Variants in NRAP observed in about 807,000 individuals in gnomAD.
NRAP encodes the protein nebulin related anchoring protein, also known as nebulin-related-anchoring protein.
NRAP carries 189 observed loss-of-function variants against 225.9 expected under a neutral mutation model. That is an observed-to-expected ratio of 0.84 (90% CI 0.74 to 0.94). The LOEUF (loss-of-function observed/expected upper bound fraction) is 0.94. Among genes scored for constraint, NRAP ranks in the 40% least tolerant of loss-of-function variants. The pLI is 0.00. For missense variants in NRAP, 2,176 were observed against 2,168.7 expected (o/e 1.00, Z -0.07); for synonymous variants, 769 against 790.7 (o/e 0.97, Z 0.46).
At chr10:113,624,342 T>G (rs1234919574) in intron 22 of NRAP, among the ~76,000 whole-genome samples, 1 of 152,202 alleles carries the variant, frequency 6.6e-6, no homozygotes, top group East Asian at 1.9e-4. Context: ...CACTTGCCTC[T>G]GAGTGCTTGA....
chr10:113,607,399 C>CAAAAAAAAGAAAAAAAA (rs1847043785), intron 32 of NRAP, among the ~76,000 whole-genome samples: 1 of 68,602 alleles, frequency 1.5e-5, no homozygotes, highest in Non-Finnish European at 2.8e-5. Context: ...GAAACTCCGT[C>CAAAAAAAAGAAAAAAAA]AAAAAAAAAA....
At chr10:113,598,747 A>T (rs546536777) in intron 35 of NRAP, among the ~76,000 whole-genome samples, 49 of 152,358 alleles carry the variant, frequency 3.2e-4, no homozygotes, top group African/African-American at 1.0e-3. Context: ...AAACCATTTT[A>T]ACCGCTTCAT....
chr10:113,654,998 G>A (rs533480844), intron 4 of NRAP, among the ~76,000 whole-genome samples: 60 of 152,310 alleles, frequency 3.9e-4, no homozygotes, highest in African/African-American at 1.4e-3. Flanking sequence ...GGAAAGAGAT[G>A]GGGAGCCAGG....
intron 31 of NRAP, 70 bp downstream of exon 31, chr10:113,610,389 G>T: frequency 4.2e-6 from 3 of 711,792 alleles, no homozygotes; most frequent in Middle Eastern, 2.5e-4. Context: ...AAAGAAAAAG[G>T]AAAGAAACAA....
chr10:113,609,587 A>T (rs189039237), intron 31 of NRAP, among the ~76,000 whole-genome samples: 1 of 152,336 alleles, frequency 6.6e-6, no homozygotes, highest in Non-Finnish European at 1.5e-5. Context: ...AATTATCACC[A>T]TTTCAAGCTT....
At chr10:113,598,988 C>T (rs183679861) in intron 35 of NRAP, among the ~76,000 whole-genome samples, 92 of 152,270 alleles carry the variant, frequency 6.0e-4, no homozygotes, top group South Asian at 5.4e-3. Context: ...TTACCTACAA[C>T]GAGAAAGTCG....
Position 113,641,484 on chromosome 10 carries a change from C to T in NRAP, c.1216-12G>A, listed in dbSNP as rs372061170. 9.7e-5 allele frequency: 151 copies of T among 1,558,958 alleles called. No individual in the cohort carries two copies. The highest frequency in any genetic ancestry group is 5.0e-4 in the Middle Eastern group (3 of 5,962). ...TCTTTATATTTATTCTACATGGAAA[C>T]GCAAAGTTTTCAACCAAAGCATTCC... On this transcript the variant is annotated splice_polypyrimidine_tract_variant and intron_variant, in intron 12 of 41. Transcript: ENST00000359988.
intron 38 of NRAP, among the ~76,000 whole-genome samples, chr10:113,593,445 G>T (rs1404700598): frequency 6.6e-6 from 1 of 152,152 alleles, no homozygotes; most frequent in Non-Finnish European, 1.5e-5. Context: ...TCTCTGTACT[G>T]CAGATCACAC....
At chr10:113,600,155 T>TTTTCTCTCTCTC (rs10636194) in intron 35 of NRAP, among the ~76,000 whole-genome samples, 1 of 140,198 alleles carries the variant, frequency 7.1e-6, no homozygotes, top group East Asian at 2.1e-4. Context: ...AGGGGTTATA[T>TTTTCTCTCTCTC]TCTCTCTCTC....
intron 3 of NRAP, among the ~76,000 whole-genome samples, chr10:113,661,052 T>C (rs1234666091): frequency 6.6e-6 from 1 of 152,228 alleles, no homozygotes; most frequent in Non-Finnish European, 1.5e-5. Context: ...TCAATATTTA[T>C]TGTAATTTCA....
At chr10:113,651,041 T>C (rs989255582) in intron 7 of NRAP, among the ~76,000 whole-genome samples, 3 of 152,240 alleles carry the variant, frequency 2.0e-5, no homozygotes, top group African/African-American at 4.8e-5. Context: ...TTAGAAATTA[T>C]GTTCTCTAAT....
chr10:113,649,886 C>T, intron 9 of NRAP, 151 bp downstream of exon 9: 1 of 584,918 alleles, frequency 1.7e-6, no homozygotes, highest in East Asian at 2.7e-5. Flanking sequence ...ATTGTTTGTC[C>T]ACTACTTTCT....
chr10:113,600,488 G>A (rs1021304758), intron 35 of NRAP, among the ~76,000 whole-genome samples: 28 of 152,112 alleles, frequency 1.8e-4, no homozygotes, highest in African/African-American at 6.5e-4. Flanking sequence ...CTAAGGAACA[G>A]TTATTCCCAT....
intron 12 of NRAP, 50 bp downstream of exon 12, chr10:113,642,884 A>G (rs763643639): frequency 1.1e-6 from 1 of 942,474 alleles, no homozygotes; most frequent in Non-Finnish European, 1.8e-6. Context: ...AGACCTAAAG[A>G]CTAAGCTCAC....
intron 14 of NRAP, among the ~76,000 whole-genome samples, chr10:113,639,293 G>A (rs1391751244): frequency 6.6e-6 from 1 of 152,092 alleles, no homozygotes; most frequent in Non-Finnish European, 1.5e-5. Flanking sequence ...ATTTGCCAAT[G>A]ATTGTCCTCT....
chr10:113,632,538 C>A (rs2134042295), intron 16 of NRAP, among the ~76,000 whole-genome samples: 1 of 150,762 alleles, frequency 6.6e-6, no homozygotes, highest in East Asian at 1.9e-4. Flanking sequence ...GAACCTAGGT[C>A]TCTCTGACAC....
intron 20 of NRAP, among the ~76,000 whole-genome samples, 181 bp from the exon 21 acceptor site, chr10:113,626,326 G>A (rs1848291251): frequency 6.6e-6 from 1 of 152,154 alleles, no homozygotes; most frequent in South Asian, 2.1e-4. Context: ...CTGTTCCAGT[G>A]AACTTGATTT....
rs1432826092 is a variant in NRAP at position 113,617,458 on chromosome 10, C to T, written c.2970G>A (p.Val990=). 1.3e-6 allele frequency: 2 copies of T among 1,560,288 alleles called. No individual in the cohort carries two copies. Among genetic ancestry groups the T allele is most frequent in the African/African-American group, 2.7e-5 (2 of 73,934 alleles). The change falls in exon 26 of 42, where the codon GTG becomes GTA. Residue 990 remains valine, a synonymous_variant. Coordinates refer to ENST00000359988, the MANE Select transcript of NRAP (RefSeq NM_198060.4). ...VQARISYTQA[V]DRLYREQGEN... is the part of the protein sequence containing the mutation. Reference sequence around the variant, plus strand: ...ATGTATATACATTATCACTTACATCCACTGCTTGGGTATAACTAATTCTGG... The same window carrying T: ...ATGTATATACATTATCACTTACATCTACTGCTTGGGTATAACTAATTCTGG...
intron 20 of NRAP, among the ~76,000 whole-genome samples, chr10:113,627,464 C>A (rs1848348244): frequency 6.6e-6 from 1 of 152,160 alleles, no homozygotes; most frequent in Non-Finnish European, 1.5e-5. Context: ...TCTCAAGGAC[C>A]AACTGGCTGC....
Sources: allele counts gnomAD v4.1 joint callset (sites outside exome capture counted in the v4.1 genomes callset), GRCh38; gene constraint gnomAD v4.1.1; transcripts MANE v1.5; gene names NCBI Gene and HGNC (gene_info 2026-07-23, HGNC 2026-07-21).